Variants in DCDC2C observed in about 807,000 individuals in gnomAD.
DCDC2C encodes the protein doublecortin domain-containing protein 2C.
In DCDC2C, 44 loss-of-function variants were observed where a neutral mutation model predicts 45.0. The ratio of observed to expected loss-of-function variants is 0.98; its 90% CI spans 0.77 to 1.26. The LOEUF (loss-of-function observed/expected upper bound fraction) is 1.26. DCDC2C is among the 50% of genes most tolerant of loss of function. The pLI is 0.00. For missense variants in DCDC2C, 447 were observed against 468.9 expected (o/e 0.95, Z 0.43); for synonymous variants, 187 against 178.8 (o/e 1.05, Z -0.37).
At chr2:3,753,658 C>A (rs981160073) in intron 5 of DCDC2C, among the ~76,000 whole-genome samples, 1 of 152,188 alleles carries the variant, frequency 6.6e-6, no homozygotes, top group African/African-American at 2.4e-5. Context: ...ATGCAGGTGG[C>A]CAGCCTTCCT....
intron 10 of DCDC2C, among the ~76,000 whole-genome samples, chr2:3,812,609 T>A (rs2148214727): frequency 6.6e-6 from 1 of 152,322 alleles, no homozygotes; most frequent in African/African-American, 2.4e-5. Flanking sequence ...TAGTTATTTC[T>A]TGTCTTCTGC....
intron 10 of DCDC2C, among the ~76,000 whole-genome samples, chr2:3,815,330 C>G (rs1000868011): frequency 2.6e-5 from 4 of 152,226 alleles, no homozygotes; most frequent in Non-Finnish European, 4.4e-5. Context: ...CTGCATTGTT[C>G]TTCCTTCTCT....
chr2:3,782,334 G>A (rs1670533971), intron 9 of DCDC2C, among the ~76,000 whole-genome samples: 1 of 152,064 alleles, frequency 6.6e-6, no homozygotes, highest in Admixed American at 6.6e-5. Context: ...CTGTGCTTTT[G>A]GATGACACTT....
At chr2:3,791,762 C>T (rs975949784) in intron 10 of DCDC2C, among the ~76,000 whole-genome samples, 1 of 152,204 alleles carries the variant, frequency 6.6e-6, no homozygotes, top group African/African-American at 2.4e-5. Context: ...AGCACTCTTC[C>T]TCCCCTCCCG....
intron 10 of DCDC2C, among the ~76,000 whole-genome samples, chr2:3,831,180 C>T (rs1671941970): frequency 6.6e-6 from 1 of 152,068 alleles, no homozygotes; most frequent in South Asian, 2.1e-4. Flanking sequence ...AGACAGCCCT[C>T]TTCCAAATGA....
At chr2:3,781,831 C>A (rs1670516896) in intron 9 of DCDC2C, among the ~76,000 whole-genome samples, 1 of 152,128 alleles carries the variant, frequency 6.6e-6, no homozygotes, top group Admixed American at 6.5e-5. Context: ...AGTTGTGCCA[C>A]TCCAGCCTGG....
intron 10 of DCDC2C, among the ~76,000 whole-genome samples, chr2:3,785,847 C>T (rs1670637899): frequency 6.6e-6 from 1 of 152,116 alleles, no homozygotes; most frequent in African/African-American, 2.4e-5. Context: ...TAACTGAAGC[C>T]AGCGTCTGCA....
At chr2:3,770,816 T>C (rs535318834) in intron 8 of DCDC2C, among the ~76,000 whole-genome samples, 46 of 152,330 alleles carry the variant, frequency 3.0e-4, no homozygotes, top group African/African-American at 1.1e-3. Context: ...TGGTTGCCGG[T>C]GATTCTGATT....
At chr2:3,730,274 G>A (rs1410814548) in intron 3 of DCDC2C, among the ~76,000 whole-genome samples, 2 of 152,018 alleles carry the variant, frequency 1.3e-5, no homozygotes, top group Non-Finnish European at 1.5e-5. Context: ...AACATAATGA[G>A]ACCCCATCTC....
At chr2:3,752,638 T>G (rs1166175059) in intron 4 of DCDC2C, 125 bp from the exon 5 acceptor site, 5 of 1,170,216 alleles carry the variant, frequency 4.3e-6, no homozygotes, top group Non-Finnish European at 3.7e-6. Context: ...AACACGTGCT[T>G]ACGATGAGCA....
intron 3 of DCDC2C, among the ~76,000 whole-genome samples, chr2:3,740,485 T>G (rs1368998937): frequency 6.6e-6 from 1 of 152,232 alleles, no homozygotes; most frequent in Non-Finnish European, 1.5e-5. Context: ...AAATTAAATT[T>G]CTTAAAAATT....
intron 10 of DCDC2C, among the ~76,000 whole-genome samples, chr2:3,798,405 C>A (rs1271582982): frequency 6.0e-5 from 9 of 151,216 alleles, no homozygotes; most frequent in Admixed American, 1.3e-4. Context: ...GAATTTGATC[C>A]TGTCATGATG....
chr2:3,743,131 G>A (rs546014065), intron 4 of DCDC2C, among the ~76,000 whole-genome samples: 4 of 152,314 alleles, frequency 2.6e-5, no homozygotes, highest in Admixed American at 6.5e-5. Context: ...TTGACTTCAC[G>A]TGAAAAACTG....
intron 10 of DCDC2C, among the ~76,000 whole-genome samples, chr2:3,800,959 G>A (rs1336183041): frequency 6.6e-6 from 1 of 152,168 alleles, no homozygotes; most frequent in Non-Finnish European, 1.5e-5. Context: ...GATGAGCATA[G>A]TTTTGACCTC....
intron 10 of DCDC2C, among the ~76,000 whole-genome samples, chr2:3,841,162 A>G (rs2148246384): frequency 6.6e-6 from 1 of 152,322 alleles, no homozygotes; most frequent in South Asian, 2.1e-4. Flanking sequence ...TGTGATAAGA[A>G]GTACGAGTTT....
chr2:3,805,276 G>A (rs577100687), intron 10 of DCDC2C, among the ~76,000 whole-genome samples: 14 of 152,318 alleles, frequency 9.2e-5, no homozygotes, highest in African/African-American at 2.4e-4. Flanking sequence ...AGCAGCTCCC[G>A]GCTGGCACTC....
intron 10 of DCDC2C, among the ~76,000 whole-genome samples, chr2:3,831,079 T>C (rs1671939495): frequency 6.6e-6 from 1 of 152,154 alleles, no homozygotes; most frequent in Admixed American, 6.5e-5. Context: ...TCAAAGATCG[T>C]GTGCTTTGGA....
intron 3 of DCDC2C, among the ~76,000 whole-genome samples, chr2:3,728,242 CT>C (rs1266978210): frequency 6.6e-6 from 1 of 152,238 alleles, no homozygotes; most frequent in Non-Finnish European, 1.5e-5. Flanking sequence ...ATTCGCCAAA[CT>C]TGGCCCCTTG....
chr2:3,846,941 C>A (rs191570868), intron 10 of DCDC2C, among the ~76,000 whole-genome samples: 1 of 152,208 alleles, frequency 6.6e-6, no homozygotes, highest in Non-Finnish European at 1.5e-5. Flanking sequence ...AGGTTTCCTG[C>A]GGCGGTTCTG....
Sources: allele counts gnomAD v4.1 joint callset (sites outside exome capture counted in the v4.1 genomes callset), GRCh38; gene constraint gnomAD v4.1.1; transcripts MANE v1.5; gene names NCBI Gene and HGNC (gene_info 2026-07-23, HGNC 2026-07-21).